The following FLRT2 variants were observed in gnomAD, a reference collection of about 807,000 sequenced individuals.
The protein encoded by FLRT2 is leucine-rich repeat transmembrane protein FLRT2.
A neutral mutation model predicts 40.0 loss-of-function variants in FLRT2; 15 were observed. The ratio of observed to expected loss-of-function variants is 0.38; its 90% confidence interval spans 0.25 to 0.58. The LOEUF is 0.58. FLRT2 is among the 20% of genes least tolerant of loss of function. The pLI, the probability that FLRT2 is intolerant of heterozygous loss-of-function variation, is 0.71. For synonymous variants in FLRT2, 380 were observed against 336.8 expected (o/e 1.13, Z -1.41); for missense variants, 726 against 840.0 (o/e 0.86, Z 1.68).
rs1894351155 is a variant in FLRT2 at position 85,648,090 on chromosome 14, G to A, written c.*24593G>A. On this transcript the variant is annotated 3_prime_UTR_variant, in exon 2 of 2. Transcript: ENST00000330753. The stretch of plus-strand genomic sequence containing the variant: ...AGACTATCAGCTTGAAACTATGATT[G>A]GAATTGAAGGTTAAAGAAAACCCAG... 1 of 152,018 alleles carries A rather than the reference G, an allele frequency of 6.6e-6. No individual in the cohort carries two copies. The highest frequency in any genetic ancestry group is 1.5e-5 in the Non-Finnish European group (1 of 68,018). The allele number at this position is 152,018 out of a possible 1,614,324, so 9.4% of individuals were successfully genotyped here.
rs192643881 is a variant in FLRT2 at position 85,533,646 on chromosome 14, G to T, written c.-377+3112G>T. 3.1e-4 allele frequency among the ~76,000 whole-genome samples: 47 copies of T among 152,182 alleles called. 1 individual carries two copies. In the East Asian group the frequency reaches 8.6e-3, roughly 28 times the overall value. On this transcript the variant is annotated intron_variant, in intron 1 of 1. Coordinates refer to ENST00000330753, the MANE Select transcript of FLRT2 (RefSeq NM_013231.6). ...GAGGAGGAGAGAAGGCGGGGGTCGC[G>T]GCGGCCGAAGCCAAGAGAAAGTGGC...
chr14:85,649,927 T>C lies in FLRT2; in HGVS notation c.*26430T>C, dbSNP rs1315228725. ...AGTTTGTTGCTATAGTATTTCATTATTTTTTATTAGAAAATATTTTAATAA... is the reference window on the plus strand; with the variant it reads ...AGTTTGTTGCTATAGTATTTCATTACTTTTTATTAGAAAATATTTTAATAA... On this transcript the variant is annotated 3_prime_UTR_variant, in exon 2 of 2. Coordinates refer to ENST00000330753, the MANE Select transcript of FLRT2 (RefSeq NM_013231.6). 1 of 152,100 alleles carries C rather than the reference T, an allele frequency of 6.6e-6. No individual in the cohort carries two copies. Among genetic ancestry groups the C allele is most frequent in the Non-Finnish European group, 1.5e-5 (1 of 67,966 alleles). 9.4% of individuals were successfully genotyped at this position (152,100 alleles called of 1,614,324 possible). A position where few individuals can be genotyped will look rare whatever the true frequency, so the allele number is the denominator to read the frequency against.
chr14:85,603,275 A>G (rs1892459721), intron 1 of FLRT2, among the ~76,000 whole-genome samples: 1 of 152,178 alleles, frequency 6.6e-6, no homozygotes, highest in Admixed American at 6.5e-5. Context: ...TACAGAGAAC[A>G]GTAGATAGAG....
At chr14:85,557,189 C>T (rs958634621) in intron 1 of FLRT2, among the ~76,000 whole-genome samples, 1 of 151,760 alleles carries the variant, frequency 6.6e-6, no homozygotes. Context: ...TATGAATAAA[C>T]CTGCAAAACA....
chr14:85,593,857 C>T (rs904872846), intron 1 of FLRT2, among the ~76,000 whole-genome samples: 2 of 152,142 alleles, frequency 1.3e-5, no homozygotes, highest in African/African-American at 4.8e-5. Flanking sequence ...GCCTGGCCAA[C>T]ATGGTGAAAC....
rs749960220 is a variant in FLRT2 at position 85,624,931 on chromosome 14, G to A, written c.*1434G>A. 9.0e-5 allele frequency: 15 copies of A among 166,814 alleles called. No homozygotes were observed. Among genetic ancestry groups the A allele is most frequent in the African/African-American group, 1.7e-4 (7 of 41,362 alleles). The allele number at this position is 166,814 out of a possible 1,614,324, so 10.3% of individuals were successfully genotyped here. On this transcript the variant is annotated 3_prime_UTR_variant, in exon 2 of 2. Transcript: ENST00000330753. ...AAATTTTATTTGTTCCTTTTCCATCGTGGATGTTCCTCTACTTTGGCAATT... is the reference window on the plus strand; with the variant it reads ...AAATTTTATTTGTTCCTTTTCCATCATGGATGTTCCTCTACTTTGGCAATT...
In FLRT2 at chr14:85,632,559, G is replaced by A. The variant is rs1893905767; in HGVS notation, c.*9062G>A. 1 of 150,606 alleles carries A rather than the reference G, an allele frequency of 6.6e-6. No homozygotes were observed. The highest frequency in any genetic ancestry group is 1.5e-5 in the Non-Finnish European group (1 of 67,834). 9.3% of individuals were successfully genotyped at this position (150,606 alleles called of 1,614,324 possible). On this transcript the variant is annotated 3_prime_UTR_variant, in exon 2 of 2. Transcript: ENST00000330753. ...AGACACAAAGTTAAACATTTCGACAGTCGGCTAGTCAAAATGAATTCTTTG... is the reference window on the plus strand; with the variant it reads ...AGACACAAAGTTAAACATTTCGACAATCGGCTAGTCAAAATGAATTCTTTG...
chr14:85,624,871 C>T lies in FLRT2; in HGVS notation c.*1374C>T, dbSNP rs1893605920. On this transcript the variant is annotated 3_prime_UTR_variant, in exon 2 of 2. Transcript: ENST00000330753. ...TTTTTAAAAAGCAATACCTGGTTTC[C>T]ACCTTGGACTGACTTTGATCCTGTT... 1 of 167,036 alleles carries T rather than the reference C, an allele frequency of 6.0e-6. No homozygotes were observed. Among genetic ancestry groups the T allele is most frequent in the African/African-American group, 2.4e-5 (1 of 41,446 alleles). The allele number at this position is 167,036 out of a possible 1,614,324, so 10.3% of individuals were successfully genotyped here.
intron 1 of FLRT2, among the ~76,000 whole-genome samples, chr14:85,608,507 T>C (rs1261627969): frequency 6.6e-6 from 1 of 152,186 alleles, no homozygotes; most frequent in Non-Finnish European, 1.5e-5. Flanking sequence ...GTGCTAGGAT[T>C]ACAGGCATGA....
Position 85,590,666 on chromosome 14 carries a change from C to G in FLRT2, c.-376-30473C>G, listed in dbSNP as rs183403356. The stretch of plus-strand genomic sequence containing the variant: ...CCAGGCTGGAGTGCAGTGGTGCGGT[C>G]TCGGCTCACTGCAACCTCTGCCTCC... On this transcript the variant is annotated intron_variant, in intron 1 of 1. Coordinates refer to ENST00000330753, the MANE Select transcript of FLRT2 (RefSeq NM_013231.6). Among the ~76,000 whole-genome samples the G allele has an allele frequency of 2.5e-4, 38 of 152,178 alleles. 1 individual carries two copies. In the East Asian group the frequency reaches 5.6e-3, roughly 22 times the overall value.
Position 85,642,132 on chromosome 14 carries a change from C to CAAA in FLRT2, c.*18648_*18650dup, listed in dbSNP as rs34224453. 59,600 of 128,578 alleles carry CAAA rather than the reference C, an allele frequency of 0.46. 13,859 individuals are homozygous for CAAA. The highest frequency in any genetic ancestry group is 0.64 in the East Asian group (2,826 of 4,400). 8.0% of individuals were successfully genotyped at this position (128,578 alleles called of 1,614,324 possible). On this transcript the variant is annotated 3_prime_UTR_variant, in exon 2 of 2. Transcript: ENST00000330753. Reference sequence around the variant, plus strand: ...CTTACAGTTTCAAGGTTGCTGTTGACAAAAAAAAAAAAAAAGAAAGAAAGA... The same window carrying CAAA: ...CTTACAGTTTCAAGGTTGCTGTTGACAAAAAAAAAAAAAAAAAAGAAAGAAAGA...
At chr14:85,539,342 C>A (rs1888847968) in intron 1 of FLRT2, among the ~76,000 whole-genome samples, 1 of 150,024 alleles carries the variant, frequency 6.7e-6, no homozygotes, top group Non-Finnish European at 1.5e-5. Flanking sequence ...ATGAAACCAC[C>A]CAAAATGATG....
At chr14:85,589,233 G>T (rs1377345750) in intron 1 of FLRT2, among the ~76,000 whole-genome samples, 1 of 152,078 alleles carries the variant, frequency 6.6e-6, no homozygotes, top group South Asian at 2.1e-4. Context: ...CCACCAGCAG[G>T]GTACAAAAGT....
intron 1 of FLRT2, among the ~76,000 whole-genome samples, chr14:85,608,167 G>C (rs1454720698): frequency 6.6e-6 from 1 of 152,058 alleles, no homozygotes; most frequent in Admixed American, 6.6e-5. Context: ...ATGAGTTTTG[G>C]GTGGGAACAG....
rs768827197 is a variant in FLRT2, at chr14:85,635,579, T to A, written c.*12082T>A. 6.6e-5 allele frequency: 10 copies of A among 152,066 alleles called. No homozygotes were observed. Among genetic ancestry groups the A allele is most frequent in the Non-Finnish European group, 1.3e-4 (9 of 67,968 alleles). 9.4% of individuals were successfully genotyped at this position (152,066 alleles called of 1,614,324 possible). On this transcript the variant is annotated 3_prime_UTR_variant, in exon 2 of 2. Transcript: ENST00000330753. ...ATAACAGCTATTAAACCCTAATATT[T>A]GACAGAGAAAGAATTATGAGAATAG... is the stretch of plus-strand genomic sequence containing the variant.
rs564971396 is a variant in FLRT2, at chr14:85,590,967, C to T, written c.-376-30172C>T. Among the ~76,000 whole-genome samples the T allele has an allele frequency of 3.3e-5, 5 of 152,286 alleles. No homozygotes were observed. The East Asian group carries it at 9.7e-4, about 29-fold the overall frequency. The stretch of plus-strand genomic sequence containing the variant: ...TCACTGAGTCAGACTTCTAATCACT[C>T]TTTCCTCTGAATTTCTGTGTGGCCT... On this transcript the variant is annotated intron_variant, in intron 1 of 1. Coordinates refer to ENST00000330753, the MANE Select transcript of FLRT2 (RefSeq NM_013231.6).
At chr14:85,544,305 C>G (rs1889152827) in intron 1 of FLRT2, among the ~76,000 whole-genome samples, 2 of 152,174 alleles carry the variant, frequency 1.3e-5, no homozygotes, top group African/African-American at 4.8e-5. Flanking sequence ...AATAATTTCG[C>G]TTGATGATAC....
chr14:85,646,879 A>G lies in FLRT2; in HGVS notation c.*23382A>G, dbSNP rs1031924492. The G allele has an allele frequency of 1.3e-5, 2 of 152,140 alleles. No individual in the cohort carries two copies. The highest frequency in any genetic ancestry group is 2.9e-5 in the Non-Finnish European group (2 of 68,038). 9.4% of individuals were successfully genotyped at this position (152,140 alleles called of 1,614,324 possible). ...ATCCTTCCTCTCTGATGGTATGGTTATGTGGACCAGAACTGAAGTTTAAGG... is the reference window on the plus strand; with the variant it reads ...ATCCTTCCTCTCTGATGGTATGGTTGTGTGGACCAGAACTGAAGTTTAAGG... On this transcript the variant is annotated 3_prime_UTR_variant, in exon 2 of 2. Transcript: ENST00000330753.
rs1370363260 is a variant in FLRT2, at chr14:85,622,032, G to C, written c.518G>C (p.Ser173Thr). 6.2e-7 allele frequency: 1 copy of C among 1,613,478 alleles called. No homozygotes were observed. Among genetic ancestry groups the C allele is most frequent in the Non-Finnish European group, 8.5e-7 (1 of 1,179,736 alleles). ...TTTTTGTCTAAGAATCACCTGAGCA[G>C]TGTGCCTGTTGGGCTTCCTGTGGAC... ...LLFLSKNHLS[S>T]VPVGLPVDLQ... is the part of the protein sequence containing the mutation. Residue 173 changes from serine (S) to threonine (T), a missense_variant, in exon 2 of 2, where the codon AGT becomes ACT. Physicochemically the swap from Ser to Thr is moderately conservative, Grantham distance 58. Around this residue, in one of 3 missense-constraint regions of FLRT2, gnomAD observed 611 missense variants for 690.0 expected, o/e 0.89. Transcript: ENST00000330753.
Sources: gnomAD v4.1 joint callset for allele counts (sites outside exome capture counted in the v4.1 genomes callset) on GRCh38, gnomAD v4.1.1 for gene constraint, gnomAD v4.1.1 regional missense constraint, MANE v1.5 for transcripts, NCBI Gene and HGNC (gene_info 2026-07-23, HGNC 2026-07-21) for gene names.